Variants in GRM8 observed in about 807,000 individuals in gnomAD.
GRM8 encodes metabotropic glutamate receptor 8.
In GRM8, 47 loss-of-function variants were observed where a neutral mutation model predicts 87.2. The ratio of observed to expected loss-of-function variants is 0.54; its 90% CI spans 0.43 to 0.69. The LOEUF (loss-of-function observed/expected upper bound fraction) is 0.69, where lower values mean the gene tolerates loss of function less well. Ranked by LOEUF, GRM8 falls within the 30% of genes least tolerant of loss-of-function variation. GRM8 has a pLI of 0.00. For synonymous variants in GRM8, 396 were observed against 404.5 expected (o/e 0.98, Z 0.25); for missense variants, 1,019 against 1,139.2 (o/e 0.89, Z 1.52).
intron 6 of GRM8, among the ~76,000 whole-genome samples, chr7:126,779,588 C>A (rs371538691): frequency 6.6e-5 from 10 of 151,986 alleles, no homozygotes; most frequent in East Asian, 3.8e-4. Flanking sequence ...AATACTAAGC[C>A]TCCATTTGCT....
chr7:126,891,183 T>C (rs1800967715), intron 6 of GRM8, among the ~76,000 whole-genome samples: 1 of 152,060 alleles, frequency 6.6e-6, no homozygotes. Context: ...TCCTCTCCTT[T>C]AACATGCAAT....
chr7:127,210,754 C>T (rs1207055517), intron 2 of GRM8, among the ~76,000 whole-genome samples: 2 of 152,210 alleles, frequency 1.3e-5, no homozygotes. Flanking sequence ...AACACTGGCA[C>T]TGTCCCTTTG....
intron 2 of GRM8, among the ~76,000 whole-genome samples, chr7:127,121,170 G>A (rs145232988): frequency 6.6e-6 from 1 of 152,272 alleles, no homozygotes; most frequent in Non-Finnish European, 1.5e-5. Context: ...TTTAGGAGAC[G>A]GATGAAAAGA....
chr7:126,979,222 C>T (rs1412994454), intron 3 of GRM8, among the ~76,000 whole-genome samples: 1 of 152,154 alleles, frequency 6.6e-6, no homozygotes, highest in Non-Finnish European at 1.5e-5. Flanking sequence ...CTGAACAATT[C>T]CCTCCTTCTC....
At chr7:126,603,659 C>T (rs1798051311) in intron 8 of GRM8, among the ~76,000 whole-genome samples, 1 of 152,068 alleles carries the variant, frequency 6.6e-6, no homozygotes, top group Non-Finnish European at 1.5e-5. Flanking sequence ...AATTGACTCA[C>T]ACTTATGCTA....
At chr7:126,790,372 A>G (rs557849613) in intron 6 of GRM8, among the ~76,000 whole-genome samples, 19 of 152,330 alleles carry the variant, frequency 1.2e-4, no homozygotes, top group Non-Finnish European at 2.2e-4. Context: ...TAATACTAGC[A>G]TAAGTTTGTA....
chr7:126,507,029 A>C (rs2150725117), intron 9 of GRM8, among the ~76,000 whole-genome samples: 1 of 152,202 alleles, frequency 6.6e-6, no homozygotes, highest in African/African-American at 2.4e-5. Flanking sequence ...CTCTCAATGA[A>C]GCCTTCCAAA....
Position 126,970,106 on chromosome 7 carries a change from A to T in GRM8, c.728-65423T>A, listed in dbSNP as rs545910973. ...AAGTTTTATTCTAATTATAGGGCAT[A>T]AGCAGAGTAGATTTAACATACTTCT... On this transcript the variant is annotated intron_variant, in intron 3 of 10. Transcript: ENST00000339582. Among the ~76,000 whole-genome samples the T allele has an allele frequency of 1.5e-4, 23 of 152,286 alleles. No homozygotes were observed. The South Asian group carries it at 4.6e-3, about 30-fold the overall frequency.
At chr7:127,214,087 A>G (rs1405633506) in intron 2 of GRM8, among the ~76,000 whole-genome samples, 1 of 152,238 alleles carries the variant, frequency 6.6e-6, no homozygotes, top group Non-Finnish European at 1.5e-5. Flanking sequence ...GTCATATACA[A>G]AAGATTATAT....
intron 6 of GRM8, among the ~76,000 whole-genome samples, chr7:126,860,713 G>A (rs755547051): frequency 6.6e-6 from 1 of 152,070 alleles, no homozygotes; most frequent in Non-Finnish European, 1.5e-5. Flanking sequence ...AGCATAATGA[G>A]TTCAAATATT....
intron 3 of GRM8, among the ~76,000 whole-genome samples, chr7:126,957,396 C>T (rs971263369): frequency 6.6e-6 from 1 of 152,178 alleles, no homozygotes; most frequent in African/African-American, 2.4e-5. Flanking sequence ...GCCCCATCCC[C>T]TACCGAGTTG....
chr7:127,125,686 A>G (rs541253506), intron 2 of GRM8, among the ~76,000 whole-genome samples: 103 of 151,958 alleles, frequency 6.8e-4, no homozygotes, highest in Non-Finnish European at 1.3e-3. Context: ...GATAACCTGC[A>G]TAATTAGAGA....
intron 3 of GRM8, among the ~76,000 whole-genome samples, chr7:126,964,428 T>C (rs1309319235): frequency 2.6e-5 from 4 of 152,194 alleles, no homozygotes; most frequent in Admixed American, 6.5e-5. Flanking sequence ...AAAGGGCTAA[T>C]ATCCAGAATC....
intron 2 of GRM8, among the ~76,000 whole-genome samples, chr7:127,108,596 T>C (rs543018336): frequency 2.0e-5 from 3 of 152,084 alleles, no homozygotes; most frequent in African/African-American, 7.2e-5. Context: ...ACCCTGCCTA[T>C]AATAATGAGC....
intron 3 of GRM8, among the ~76,000 whole-genome samples, chr7:126,921,075 G>A (rs551004473): frequency 1.3e-5 from 2 of 152,184 alleles, no homozygotes; most frequent in East Asian, 1.9e-4. Flanking sequence ...AGCCTTTACC[G>A]TGAAAGTCAG....
At chr7:126,810,278 A>G (rs951876593) in intron 6 of GRM8, among the ~76,000 whole-genome samples, 2 of 152,186 alleles carry the variant, frequency 1.3e-5, no homozygotes, top group Non-Finnish European at 2.9e-5. Flanking sequence ...TCTGTAATCC[A>G]AAGAAGGCTC....
rs147756624 is a variant in GRM8 at position 126,457,472 on chromosome 7, A to C, written c.2431-11100T>G. On this transcript the variant is annotated intron_variant, in intron 9 of 10. Transcript: ENST00000339582. ...ATTCTGGGAAATCCTAAAAAATTTC[A>C]AGGATTTAAATACAGGGTATGCTAT... Among the ~76,000 whole-genome samples, 128 of 151,622 alleles carry C rather than the reference A, an allele frequency of 8.4e-4. 1 individual carries two copies. The highest frequency in any genetic ancestry group is 2.9e-3 in the African/African-American group (120 of 41,502).
intron 6 of GRM8, among the ~76,000 whole-genome samples, chr7:126,853,975 T>G (rs999049070): frequency 6.6e-6 from 1 of 152,148 alleles, no homozygotes; most frequent in Admixed American, 6.5e-5. Flanking sequence ...TGGGAAAACA[T>G]AGCTGGAAGG....
chr7:126,725,046 G>T (rs1812808776), intron 7 of GRM8, among the ~76,000 whole-genome samples: 1 of 152,178 alleles, frequency 6.6e-6, no homozygotes, highest in Non-Finnish European at 1.5e-5. Context: ...ACAGATGTTT[G>T]CTCAAGATGA....
Sources: gnomAD v4.1 joint callset for allele counts (sites outside exome capture counted in the v4.1 genomes callset) on GRCh38, gnomAD v4.1.1 for gene constraint, MANE v1.5 for transcripts, NCBI Gene and HGNC (gene_info 2026-07-23, HGNC 2026-07-21) for gene names.